Variants in CDH13 observed in about 807,000 individuals in gnomAD.
The protein encoded by CDH13 is cadherin 13.
In CDH13, 24 loss-of-function variants were observed where a neutral mutation model predicts 63.8. The ratio of observed to expected loss-of-function variants is 0.38; its 90% CI spans 0.27 to 0.53. The LOEUF (loss-of-function observed/expected upper bound fraction) is 0.53. CDH13 is among the 20% of genes least tolerant of loss of function. The pLI, the probability that CDH13 is intolerant of heterozygous loss-of-function variation, is 0.85. For synonymous variants in CDH13, 503 were observed against 355.3 expected (o/e 1.42, Z -4.67); for missense variants, 1,049 against 903.1 (o/e 1.16, Z -2.07).
At chr16:83,451,867 A>T (rs1347303278) in intron 6 of CDH13, among the ~76,000 whole-genome samples, 1 of 152,084 alleles carries the variant, frequency 6.6e-6, no homozygotes, top group Non-Finnish European at 1.5e-5. Context: ...TTTCTTTTCA[A>T]ACTGAACATC....
intron 3 of CDH13, among the ~76,000 whole-genome samples, chr16:83,075,345 G>A (rs1348821851): frequency 1.3e-5 from 2 of 152,182 alleles, no homozygotes; most frequent in Non-Finnish European, 2.9e-5. Context: ...ACAATGGCAT[G>A]ACCAAGGTTT....
At chr16:83,559,344 G>T (rs2075658150) in intron 7 of CDH13, among the ~76,000 whole-genome samples, 1 of 152,136 alleles carries the variant, frequency 6.6e-6, no homozygotes, top group African/African-American at 2.4e-5. Flanking sequence ...GGCCGAGGCA[G>T]GTGGATCACC....
intron 2 of CDH13, among the ~76,000 whole-genome samples, chr16:82,909,640 G>A (rs1321403251): frequency 6.6e-6 from 1 of 152,074 alleles, no homozygotes; most frequent in African/African-American, 2.4e-5. Flanking sequence ...GCTCATGCAT[G>A]GGAACTCCCA....
chr16:83,589,283 C>CCA (rs1555579644), intron 7 of CDH13, among the ~76,000 whole-genome samples: 3 of 125,014 alleles, frequency 2.4e-5, no homozygotes, highest in Non-Finnish European at 3.5e-5. Flanking sequence ...CCCTTTCCCC[C>CCA]CCCCGGACCC....
chr16:83,185,458 G>A (rs981088345), intron 4 of CDH13, among the ~76,000 whole-genome samples: 3 of 152,138 alleles, frequency 2.0e-5, no homozygotes, highest in Non-Finnish European at 4.4e-5. Flanking sequence ...ACAAATTAAA[G>A]TGAAAGACTT....
chr16:83,784,661 C>T (rs190432395), intron 13 of CDH13, among the ~76,000 whole-genome samples: 2 of 151,148 alleles, frequency 1.3e-5, no homozygotes, highest in African/African-American at 2.4e-5. Flanking sequence ...AAACAAGAAG[C>T]CATTATAGCA....
chr16:82,853,356 C>G (rs549099490), intron 1 of CDH13, among the ~76,000 whole-genome samples: 2 of 152,312 alleles, frequency 1.3e-5, no homozygotes, highest in South Asian at 4.1e-4. Flanking sequence ...TTGTCAATGT[C>G]TACCCTGGAG....
chr16:83,762,720 G>C (rs1197668755), intron 11 of CDH13, among the ~76,000 whole-genome samples: 1 of 152,172 alleles, frequency 6.6e-6, no homozygotes, highest in Non-Finnish European at 1.5e-5. Flanking sequence ...AATTCTCTGA[G>C]ACTGGTCTTC....
At chr16:83,724,561 A>G (rs551763587) in intron 10 of CDH13, among the ~76,000 whole-genome samples, 1 of 150,166 alleles carries the variant, frequency 6.7e-6, no homozygotes, top group Non-Finnish European at 1.5e-5. Flanking sequence ...GAATGGATGG[A>G]TACATGGATG....
At chr16:83,274,954 C>T (rs1559438) in intron 5 of CDH13, among the ~76,000 whole-genome samples, 60,834 of 151,932 alleles carry the variant, frequency 0.4, 12,912 homozygotes, top group East Asian at 0.76. Context: ...CCCTCCTCTG[C>T]CCCTCTTATT....
At chr16:82,920,056 C>G (rs917056976) in intron 2 of CDH13, among the ~76,000 whole-genome samples, 3 of 152,124 alleles carry the variant, frequency 2.0e-5, no homozygotes, top group African/African-American at 7.2e-5. Context: ...ACTGCAAGTG[C>G]CAGAAACTTA....
intron 2 of CDH13, among the ~76,000 whole-genome samples, chr16:82,869,076 T>C (rs2040253613): frequency 6.6e-6 from 1 of 152,204 alleles, no homozygotes; most frequent in African/African-American, 2.4e-5. Context: ...AGATGGAGTC[T>C]CTCCCTGTTA....
chr16:83,122,968 C>T (rs1345542777), intron 3 of CDH13, among the ~76,000 whole-genome samples: 1 of 152,102 alleles, frequency 6.6e-6, no homozygotes, highest in African/African-American at 2.4e-5. Context: ...TCTCTTATTC[C>T]ACTCTGTATG....
chr16:83,540,499 G>A (rs1310282109), intron 7 of CDH13, among the ~76,000 whole-genome samples: 1 of 152,172 alleles, frequency 6.6e-6, no homozygotes, highest in African/African-American at 2.4e-5. Flanking sequence ...TAGAAGCTCA[G>A]GGGTGCCTTT....
intron 10 of CDH13, among the ~76,000 whole-genome samples, chr16:83,743,325 A>T (rs1476987160): frequency 6.6e-6 from 1 of 152,196 alleles, no homozygotes; most frequent in African/African-American, 2.4e-5. Flanking sequence ...AGAGTGAGAC[A>T]TTGTCCTGTA....
chr16:82,895,599 G>A (rs1207304649), intron 2 of CDH13, among the ~76,000 whole-genome samples: 1 of 151,964 alleles, frequency 6.6e-6, no homozygotes, highest in Non-Finnish European at 1.5e-5. Context: ...TGGGATAAAT[G>A]ACATGCATTC....
chr16:83,360,469 AC>A (rs2091140694), intron 6 of CDH13, among the ~76,000 whole-genome samples: 1 of 147,296 alleles, frequency 6.8e-6, no homozygotes, highest in South Asian at 2.1e-4. Context: ...TATAATCTCA[AC>A]CTTTTTTTTT....
chr16:83,423,918 T>G (rs982139554), intron 6 of CDH13, among the ~76,000 whole-genome samples: 1 of 152,246 alleles, frequency 6.6e-6, no homozygotes, highest in Non-Finnish European at 1.5e-5. Context: ...GGGACGTGGC[T>G]GTACACTATA....
intron 3 of CDH13, among the ~76,000 whole-genome samples, chr16:83,058,482 T>C (rs906474893): frequency 2.0e-5 from 3 of 152,190 alleles, no homozygotes; most frequent in Non-Finnish European, 2.9e-5. Flanking sequence ...GTGACCTCAC[T>C]GATGACAGGG....
Sources: gnomAD v4.1 joint callset for allele counts (sites outside exome capture counted in the v4.1 genomes callset) on GRCh38, gnomAD v4.1.1 for gene constraint, MANE v1.5 for transcripts, NCBI Gene and HGNC (gene_info 2026-07-23, HGNC 2026-07-21) for gene names.